KLF8: variants seen among roughly 807,000 people sequenced by gnomAD.
KLF8 encodes the protein KLF transcription factor 8.
Under a neutral mutation model 18.2 loss-of-function variants are expected in KLF8, and 10 were observed. The ratio of observed to expected loss-of-function variants is 0.55; its 90% CI spans 0.34 to 0.93. KLF8 has a LOEUF of 0.93. Among genes scored for constraint, KLF8 ranks in the 40% least tolerant of loss-of-function variants. The pLI, the probability that KLF8 is intolerant of heterozygous loss-of-function variation, is 0.02. For missense variants in KLF8, 264 were observed against 277.9 expected (o/e 0.95, Z 0.36); for synonymous variants, 109 against 97.3 (o/e 1.12, Z -0.71).
At chrX:56,066,654 G>A in the KLF8 span, among the ~76,000 whole-genome samples, 1 of 111,623 alleles carries the variant, frequency 9.0e-6, no homozygotes, top group Non-Finnish European at 1.9e-5. Context: ...CTTTAATCCT[G>A]TTGGCACTAG....
chrX:56,245,751 C>T (rs769927106), intron 1 of KLF8, among the ~76,000 whole-genome samples: 1 of 112,290 alleles, frequency 8.9e-6, no homozygotes, highest in Non-Finnish European at 1.9e-5. Context: ...TATACTATAA[C>T]CCCCTTTTGT....
the KLF8 span, among the ~76,000 whole-genome samples, chrX:56,075,346 G>A: frequency 3.6e-5 from 4 of 110,800 alleles, no homozygotes; most frequent in East Asian, 1.1e-3. Context: ...GCATTTATTA[G>A]GTAGAGTAGC....
the KLF8 span, among the ~76,000 whole-genome samples, chrX:55,999,693 A>G: frequency 9.0e-6 from 1 of 111,585 alleles, no homozygotes; most frequent in East Asian, 2.8e-4. Context: ...TGAATTGTGC[A>G]TATTGATTTT....
intron 2 of KLF8, among the ~76,000 whole-genome samples, chrX:56,253,180 T>C (rs1034002793): frequency 8.9e-6 from 1 of 112,328 alleles, no homozygotes; most frequent in African/African-American, 3.2e-5. Context: ...ACTTTGTTGA[T>C]TGAATCCTTT....
At chrX:56,215,112 T>TCTCC in the KLF8 span, among the ~76,000 whole-genome samples, 1 of 111,943 alleles carries the variant, frequency 8.9e-6, no homozygotes, top group East Asian at 2.8e-4. Flanking sequence ...GCTTACCAAA[T>TCTCC]AAGACGCATC....
chrX:56,062,701 T>C, the KLF8 span, among the ~76,000 whole-genome samples: 1 of 111,294 alleles, frequency 9.0e-6, no homozygotes, highest in Non-Finnish European at 1.9e-5. Flanking sequence ...TGAATTTGAA[T>C]GTTGGCCTGT....
chrX:56,044,979 G>A, the KLF8 span, among the ~76,000 whole-genome samples: 1 of 112,359 alleles, frequency 8.9e-6, no homozygotes, highest in Non-Finnish European at 1.9e-5. Context: ...CTTTGCCTAA[G>A]CCAATGTCTA....
Position 56,256,911 on chromosome X carries a change from C to A in KLF8, c.81+6607C>A, listed in dbSNP as rs779920001. Among the ~76,000 whole-genome samples, 5 of 111,778 alleles carry A rather than the reference C, an allele frequency of 4.5e-5. No individual in the cohort carries two copies. In the South Asian group the frequency reaches 1.9e-3, roughly 42 times the overall value. On this transcript the variant is annotated intron_variant, in intron 2 of 5. Transcript: ENST00000468660. The stretch of plus-strand genomic sequence containing the variant: ...AGAGACGGGGTTTCTCCATGTTGGT[C>A]AGGCTGGTCTCGAACTCCCAACCTC...
chrX:56,041,746 G>A, the KLF8 span, among the ~76,000 whole-genome samples: 2 of 110,640 alleles, frequency 1.8e-5, no homozygotes, highest in African/African-American at 6.6e-5. Context: ...CTGGAGTGCA[G>A]TGGCATGATC....
the KLF8 span, among the ~76,000 whole-genome samples, chrX:56,008,861 G>A: frequency 5.4e-5 from 6 of 112,011 alleles, no homozygotes; most frequent in Middle Eastern, 4.6e-3. Flanking sequence ...ACTCTGATCC[G>A]TCCTAACTCA....
the KLF8 span, among the ~76,000 whole-genome samples, chrX:56,078,103 T>G: frequency 9.0e-6 from 1 of 111,273 alleles, no homozygotes; most frequent in Non-Finnish European, 1.9e-5. Flanking sequence ...ACTGTTTGAC[T>G]TCCTCTTTTC....
At position 56,291,032 on chromosome X, in the gene KLF8, G is replaced by A. The variant is rs1184147747; in HGVS notation, c.*6538G>A. 9.0e-6 allele frequency among the ~76,000 whole-genome samples: 1 copy of A among 111,257 alleles called. No individual in the cohort carries two copies. Among genetic ancestry groups the A allele is most frequent in the Non-Finnish European group, 1.9e-5 (1 of 52,966 alleles). ...ATCACAGAATTAAAAGGGGAAGAGAGTTCCTAGTGGTGTCCATCCCTGTTT... is the reference window on the plus strand; with the variant it reads ...ATCACAGAATTAAAAGGGGAAGAGAATTCCTAGTGGTGTCCATCCCTGTTT... On this transcript the variant is annotated 3_prime_UTR_variant, in exon 6 of 6. Transcript: ENST00000468660.
chrX:56,266,000 C>T, intron 3 of KLF8: 1 of 881,496 alleles, frequency 1.1e-6, no homozygotes, highest in Non-Finnish European at 1.4e-6. Flanking sequence ...GGAACTTCCA[C>T]ATTATTTGAT....
chrX:56,031,554 G>A, the KLF8 span, among the ~76,000 whole-genome samples: 4 of 111,506 alleles, frequency 3.6e-5, no homozygotes, highest in East Asian at 2.8e-4. Flanking sequence ...CTGGTGAGGC[G>A]TTCCACCGGG....
the KLF8 span, among the ~76,000 whole-genome samples, chrX:55,947,720 A>C: frequency 8.9e-6 from 1 of 111,809 alleles, no homozygotes; most frequent in Non-Finnish European, 1.9e-5. Context: ...TTTTGTGCCT[A>C]AGTCTAACCC....
the KLF8 span, among the ~76,000 whole-genome samples, chrX:56,055,641 G>A: frequency 1.8e-5 from 2 of 112,192 alleles, no homozygotes; most frequent in African/African-American, 3.2e-5. Context: ...TCTCATGGAT[G>A]ATAATCTGAA....
chrX:56,119,550 C>T, the KLF8 span, among the ~76,000 whole-genome samples: 4 of 110,214 alleles, frequency 3.6e-5, no homozygotes, highest in African/African-American at 1.3e-4. Context: ...ACTAGAGGCG[C>T]ATGCCACCAT....
the KLF8 span, among the ~76,000 whole-genome samples, chrX:56,144,879 G>C: frequency 9.3e-6 from 1 of 107,693 alleles, no homozygotes; most frequent in African/African-American, 3.4e-5. Flanking sequence ...TGCAACCTCT[G>C]CCTCCCGGGA....
At chrX:55,927,917 C>T in the KLF8 span, among the ~76,000 whole-genome samples, 16 of 112,034 alleles carry the variant, frequency 1.4e-4, no homozygotes, top group African/African-American at 4.5e-4. Flanking sequence ...GTTTTCCTAA[C>T]TATGATACAT....
Sources: gnomAD v4.1 joint callset for allele counts (sites outside exome capture counted in the v4.1 genomes callset) on GRCh38, gnomAD v4.1.1 for gene constraint, MANE v1.5 for transcripts, NCBI Gene and HGNC (gene_info 2026-07-23, HGNC 2026-07-21) for gene names.